The following C8orf34 variants were observed in gnomAD, a reference collection of about 807,000 sequenced individuals.
C8orf34 encodes the protein uncharacterized protein C8orf34.
Under a neutral mutation model 68.3 loss-of-function variants are expected in C8orf34, and 65 were observed. The ratio of observed to expected loss-of-function variants is 0.95; its 90% CI spans 0.78 to 1.17. The LOEUF (loss-of-function observed/expected upper bound fraction) is 1.17. Ranked by LOEUF, C8orf34 falls within the 50% of genes most tolerant of loss-of-function variation. The probability of loss-of-function intolerance (pLI) is 0.00; values close to 1 mark genes in which losing one functional copy is unlikely to be tolerated. For synonymous variants in C8orf34, 244 were observed against 241.2 expected (o/e 1.01, Z -0.11); for missense variants, 664 against 655.4 (o/e 1.01, Z -0.14).
intron 8 of C8orf34, among the ~76,000 whole-genome samples, chr8:68,648,210 T>G (rs1252374289): frequency 6.6e-6 from 1 of 152,198 alleles, no homozygotes; most frequent in African/African-American, 2.4e-5. Context: ...AAGCTGCATT[T>G]CTTGCCTAGG....
intron 10 of C8orf34, among the ~76,000 whole-genome samples, chr8:68,746,006 G>A (rs1283742612): frequency 2.0e-5 from 3 of 152,052 alleles, no homozygotes; most frequent in Non-Finnish European, 4.4e-5. Context: ...CTCAGCAAAT[G>A]TAAAAGAACA....
intron 7 of C8orf34, among the ~76,000 whole-genome samples, chr8:68,634,264 G>A (rs1275906647): frequency 1.3e-5 from 2 of 152,116 alleles, no homozygotes; most frequent in South Asian, 2.1e-4. Context: ...TTAAGAAATA[G>A]AATGAAGGTC....
At chr8:68,339,748 T>C (rs1805994767) in intron 1 of C8orf34, among the ~76,000 whole-genome samples, 1 of 151,922 alleles carries the variant, frequency 6.6e-6, no homozygotes, top group African/African-American at 2.4e-5. Context: ...AAATATTTCT[T>C]AAATATGACA....
In C8orf34 at chr8:68,526,952, G is replaced by A. The variant is rs79553542; in HGVS notation, c.938+4981G>A. Among the ~76,000 whole-genome samples the A allele has an allele frequency of 5.6e-3, 853 of 152,270 alleles. 53 individuals carry two copies. In the East Asian group the frequency reaches 0.14, roughly 26 times the overall value. ...CAGGAGGCTCCACCTGCTCAGGCAG[G>A]CCCACAGGGGAGGTTCTGTGGGGTG... is the stretch of plus-strand genomic sequence containing the variant. On this transcript the variant is annotated intron_variant, in intron 6 of 13. Coordinates refer to ENST00000518698, the MANE Select transcript of C8orf34 (RefSeq NM_052958.4).
chr8:68,761,196 C>T (rs943339922), intron 10 of C8orf34, among the ~76,000 whole-genome samples: 9 of 152,194 alleles, frequency 5.9e-5, no homozygotes, highest in Admixed American at 6.5e-5. Context: ...CTAATTCTAT[C>T]CCCTCACTAC....
In C8orf34 at chr8:68,764,822, G is replaced by A. The variant is rs1412079207; in HGVS notation, c.1405-11577G>A. Among the ~76,000 whole-genome samples, 9 of 152,178 alleles carry A rather than the reference G, an allele frequency of 5.9e-5. 1 individual carries two copies. The highest frequency in any genetic ancestry group is 4.2e-4 in the South Asian group (2 of 4,808). On this transcript the variant is annotated intron_variant, in intron 10 of 13. Transcript: ENST00000518698. ...CTTACTCCCTTGTCTCAACAATTTC[G>A]CAAAGTGTTCCTTTATTAATCAATC...
intron 7 of C8orf34, among the ~76,000 whole-genome samples, chr8:68,571,495 G>A (rs1169626341): frequency 6.6e-6 from 1 of 152,138 alleles, no homozygotes; most frequent in Non-Finnish European, 1.5e-5. Context: ...AATAGGTATT[G>A]AGAACCCACA....
At chr8:68,563,005 A>G (rs568908554) in intron 7 of C8orf34, among the ~76,000 whole-genome samples, 1 of 152,156 alleles carries the variant, frequency 6.6e-6, no homozygotes, top group Non-Finnish European at 1.5e-5. Context: ...ATAATTTTTT[A>G]AAACACACAT....
intron 10 of C8orf34, among the ~76,000 whole-genome samples, chr8:68,739,863 A>C (rs2129527185): frequency 6.6e-6 from 1 of 152,284 alleles, no homozygotes; most frequent in South Asian, 2.1e-4. Context: ...TTCAAACTAT[A>C]CTATAGGGCT....
intron 1 of C8orf34, among the ~76,000 whole-genome samples, chr8:68,387,404 G>T (rs983419702): frequency 2.0e-5 from 3 of 152,136 alleles, no homozygotes; most frequent in Non-Finnish European, 2.9e-5. Context: ...ACCTGGGAAA[G>T]GAGGCAGCAG....
At chr8:68,424,241 A>G (rs1420041429) in intron 1 of C8orf34, among the ~76,000 whole-genome samples, 1 of 152,194 alleles carries the variant, frequency 6.6e-6, no homozygotes, top group Non-Finnish European at 1.5e-5. Flanking sequence ...AGACCAGAAT[A>G]GCATTGCAAG....
At chr8:68,352,242 G>C (rs1014081043) in intron 1 of C8orf34, among the ~76,000 whole-genome samples, 1 of 151,972 alleles carries the variant, frequency 6.6e-6, no homozygotes, top group Non-Finnish European at 1.5e-5. Flanking sequence ...TGAAGAGGAA[G>C]CATATATGTA....
intron 7 of C8orf34, among the ~76,000 whole-genome samples, chr8:68,631,211 G>A (rs556294185): frequency 4.6e-5 from 7 of 151,942 alleles, no homozygotes; most frequent in South Asian, 2.1e-4. Flanking sequence ...GCAGTGAGCC[G>A]AGATCATGCC....
At chr8:68,687,127 A>G (rs1047748175) in intron 8 of C8orf34, among the ~76,000 whole-genome samples, 1 of 152,156 alleles carries the variant, frequency 6.6e-6, no homozygotes, top group Non-Finnish European at 1.5e-5. Context: ...GACACTAATA[A>G]ATGGAAACAC....
At chr8:68,541,719 T>C (rs1815709382) in intron 7 of C8orf34, among the ~76,000 whole-genome samples, 2 of 152,220 alleles carry the variant, frequency 1.3e-5, no homozygotes, top group Admixed American at 1.3e-4. Flanking sequence ...TTACTTCTAA[T>C]TTCTTCCCTT....
Position 68,553,400 on chromosome 8 carries a change from A to AC in C8orf34, c.1105+20251_1105+20252insC, listed in dbSNP as rs1563526282. Among the ~76,000 whole-genome samples, 490 of 118,080 alleles carry AC rather than the reference A, an allele frequency of 4.1e-3. 20 individuals carry two copies. Among genetic ancestry groups the AC allele is most frequent in the African/African-American group, 0.017 (431 of 26,006 alleles). The allele number at this position is 118,080 out of a possible 152,430, so 77.5% of individuals were successfully genotyped here. A position where few individuals can be genotyped will look rare whatever the true frequency, so the allele number is the denominator to read the frequency against. ...ACTCCATCTCAAAAAAAAAAAAAAA[A>AC]AAAAAAAAAACATATCCTCCACTCA... On this transcript the variant is annotated intron_variant, in intron 7 of 13. Transcript: ENST00000518698.
intron 8 of C8orf34, among the ~76,000 whole-genome samples, chr8:68,702,294 G>A (rs1223443859): frequency 6.6e-6 from 1 of 151,978 alleles, no homozygotes; most frequent in Non-Finnish European, 1.5e-5. Flanking sequence ...TACCCTCCTA[G>A]ATTTTACCAA....
At chr8:68,792,279 T>G (rs2129529182) in intron 12 of C8orf34, 1 of 152,168 alleles carries the variant, frequency 6.6e-6, no homozygotes, top group East Asian at 1.9e-4. Context: ...GCTTAAGATA[T>G]TTAAAGATAT....
chr8:68,588,043 A>G (rs1017283822), intron 7 of C8orf34, among the ~76,000 whole-genome samples: 1 of 152,148 alleles, frequency 6.6e-6, no homozygotes, highest in African/African-American at 2.4e-5. Context: ...GTCAAATTAT[A>G]TTTATTCAGA....
Sources: gnomAD v4.1 joint callset for allele counts (sites outside exome capture counted in the v4.1 genomes callset) on GRCh38, gnomAD v4.1.1 for gene constraint, MANE v1.5 for transcripts, NCBI Gene and HGNC (gene_info 2026-07-23, HGNC 2026-07-21) for gene names.